Variants in TLN2 observed in about 807,000 individuals in gnomAD.
TLN2 encodes talin-2.
In TLN2, 118 loss-of-function variants were observed where a neutral mutation model predicts 294.7. The ratio of observed to expected loss-of-function variants is 0.40; its 90% CI spans 0.34 to 0.47. The LOEUF (loss-of-function observed/expected upper bound fraction) is 0.47. Among genes scored for constraint, TLN2 ranks in the 20% least tolerant of loss-of-function variants. The probability of loss-of-function intolerance (pLI) is 0.84; values close to 1 mark genes in which losing one functional copy is unlikely to be tolerated. For missense variants in TLN2, 3,083 were observed against 3,282.2 expected (o/e 0.94, Z 1.48); for synonymous variants, 1,431 against 1,304.5 (o/e 1.10, Z -2.09).
chr15:62,761,900 C>T (rs1047623785), intron 38 of TLN2, 79 bp downstream of exon 38: 2 of 1,567,172 alleles, frequency 1.3e-6, no homozygotes, highest in Non-Finnish European at 1.8e-6. Context: ...CTAGTTAAAA[C>T]TCCAACAGCT....
intron 1 of TLN2, among the ~76,000 whole-genome samples, chr15:62,506,628 T>G (rs900085032): frequency 6.6e-6 from 1 of 152,226 alleles, no homozygotes; most frequent in Non-Finnish European, 1.5e-5. Context: ...CCAGTGTGTT[T>G]GAAACAAGCA....
At chr15:62,838,130 A>G (rs575565114) in intron 57 of TLN2, 2 of 152,302 alleles carry the variant, frequency 1.3e-5, no homozygotes, top group East Asian at 3.9e-4. Flanking sequence ...CAGTCACTCC[A>G]TCTTAGAGCC....
At chr15:62,462,933 G>C (rs927094949) in intron 1 of TLN2, among the ~76,000 whole-genome samples, 1 of 152,206 alleles carries the variant, frequency 6.6e-6, no homozygotes, top group Admixed American at 6.5e-5. Context: ...TAGGGAGGAG[G>C]ATGTGGAAGG....
Position 62,701,210 on chromosome 15 carries a change from A to G in TLN2, c.1692A>G (p.Thr564=). The change falls in exon 17 of 59, where the codon ACA becomes ACG. Residue 564 remains threonine (T), a synonymous_variant. Transcript: ENST00000636159. The part of the protein sequence containing the change: ...TAGTASVVNL[T]AGDPADTDYT... Reference sequence around the variant, plus strand: ...GAACGGCTTCAGTTGTTAACCTCACAGCTGGTAAGTCCCGGAGAGATTTGT... The same window carrying G: ...GAACGGCTTCAGTTGTTAACCTCACGGCTGGTAAGTCCCGGAGAGATTTGT... The G allele has an allele frequency of 6.2e-7, 1 of 1,613,610 alleles. No individual in the cohort carries two copies. The highest frequency in any genetic ancestry group is 1.1e-5 in the South Asian group (1 of 91,056).
intron 1 of TLN2, among the ~76,000 whole-genome samples, chr15:62,525,670 C>G (rs1485221063): frequency 2.6e-5 from 4 of 152,222 alleles, no homozygotes; most frequent in African/African-American, 9.6e-5. Flanking sequence ...ATTACTCCTT[C>G]AGTAACAGGG....
intron 50 of TLN2, among the ~76,000 whole-genome samples, 172 bp downstream of exon 50, chr15:62,800,941 A>G (rs2065890235): frequency 6.6e-6 from 1 of 152,174 alleles, no homozygotes; most frequent in African/African-American, 2.4e-5. Flanking sequence ...TGTGTCACTG[A>G]GTTTGGCTGG....
chr15:62,437,845 A>G (rs1447746172), intron 1 of TLN2, among the ~76,000 whole-genome samples: 6 of 152,064 alleles, frequency 3.9e-5, no homozygotes, highest in Non-Finnish European at 8.8e-5. Flanking sequence ...TGAAATGATC[A>G]GGGTTAATAG....
rs28384272 is a variant in TLN2, at chr15:62,825,729, A to T, written c.7002+5119A>T. Reference sequence around the variant, plus strand: ...ATATATAAATATAAATATATATAAAAATATATTTTTATATATATTAAATAT... The same window carrying T: ...ATATATAAATATAAATATATATAAATATATATTTTTATATATATTAAATAT... On this transcript the variant is annotated intron_variant, in intron 54 of 58. Transcript: ENST00000636159. Among the ~76,000 whole-genome samples the T allele has an allele frequency of 3.2e-3, 365 of 113,512 alleles. 10 individuals are homozygous for T. Among genetic ancestry groups the T allele is most frequent in the African/African-American group, 0.013 (310 of 23,620 alleles). The allele number at this position is 113,512 out of a possible 152,430, so 74.5% of individuals were successfully genotyped here.
intron 4 of TLN2, among the ~76,000 whole-genome samples, chr15:62,647,988 A>G (rs2052098125): frequency 6.6e-6 from 1 of 152,156 alleles, no homozygotes. Context: ...AGCCACTTGT[A>G]CCATTTTATT....
chr15:62,780,214 G>A (rs530314809), intron 43 of TLN2, among the ~76,000 whole-genome samples: 8 of 152,274 alleles, frequency 5.3e-5, no homozygotes, highest in Middle Eastern at 3.4e-3. Context: ...TTGTCTCTTC[G>A]CCTGGAATAC....
At chr15:62,390,995 G>C (rs556117155) in intron 1 of TLN2, among the ~76,000 whole-genome samples, 1 of 152,260 alleles carries the variant, frequency 6.6e-6, no homozygotes, top group Non-Finnish European at 1.5e-5. Flanking sequence ...CGGCGCCAGA[G>C]AGCGGATTCC....
At chr15:62,451,660 AAAG>A (rs2036160846) in intron 1 of TLN2, among the ~76,000 whole-genome samples, 1 of 152,212 alleles carries the variant, frequency 6.6e-6, no homozygotes, top group African/African-American at 2.4e-5. Flanking sequence ...CGTCTCAAAA[AAAG>A]AAAAGAGGAA....
intron 14 of TLN2, among the ~76,000 whole-genome samples, chr15:62,694,790 G>A (rs774558551): frequency 6.6e-6 from 1 of 152,148 alleles, no homozygotes; most frequent in African/African-American, 2.4e-5. Flanking sequence ...AGCCAGTGGC[G>A]GAGTTACGGT....
chr15:62,621,673 C>A (rs2048842351), intron 3 of TLN2, among the ~76,000 whole-genome samples: 1 of 152,190 alleles, frequency 6.6e-6, no homozygotes, highest in Admixed American at 6.5e-5. Context: ...TCTTGCACTT[C>A]AATGTGATGT....
At chr15:62,713,929 ATGTGTG>A (rs1555485353) in intron 22 of TLN2, among the ~76,000 whole-genome samples, 1 of 125,208 alleles carries the variant, frequency 8.0e-6, no homozygotes, top group African/African-American at 2.6e-5. Context: ...GTGTGTGTGT[ATGTGTG>A]TGTGTGTATG....
At chr15:62,692,271 A>G (rs1034930532) in intron 12 of TLN2, among the ~76,000 whole-genome samples, 1 of 152,206 alleles carries the variant, frequency 6.6e-6, no homozygotes, top group Non-Finnish European at 1.5e-5. Context: ...TCTTTAAGCC[A>G]CTGGCTAGAG....
At chr15:62,523,206 AT>A (rs1416594070) in intron 1 of TLN2, among the ~76,000 whole-genome samples, 1 of 152,236 alleles carries the variant, frequency 6.6e-6, no homozygotes, top group Non-Finnish European at 1.5e-5. Flanking sequence ...GGGGAGATAA[AT>A]TCCAGAGAGA....
chr15:62,452,346 C>G (rs554385557), intron 1 of TLN2, among the ~76,000 whole-genome samples: 19 of 152,108 alleles, frequency 1.2e-4, no homozygotes, highest in Non-Finnish European at 2.4e-4. Context: ...TAGTAGATAC[C>G]TATTCCGTGA....
intron 1 of TLN2, among the ~76,000 whole-genome samples, chr15:62,485,889 A>C (rs1365232753): frequency 6.6e-6 from 1 of 152,082 alleles, no homozygotes; most frequent in Non-Finnish European, 1.5e-5. Context: ...GTGACAGATG[A>C]ATTTAATATG....
Sources: gnomAD v4.1 joint callset for allele counts (sites outside exome capture counted in the v4.1 genomes callset) on GRCh38, gnomAD v4.1.1 for gene constraint, MANE v1.5 for transcripts, NCBI Gene and HGNC (gene_info 2026-07-23, HGNC 2026-07-21) for gene names.